The following RIMS1 variants were observed in gnomAD, a reference collection of about 807,000 sequenced individuals.
RIMS1 encodes the protein regulating synaptic membrane exocytosis 1.
A neutral mutation model predicts 214.1 loss-of-function variants in RIMS1; 83 were observed. The ratio of observed to expected loss-of-function variants is 0.39; its 90% CI spans 0.32 to 0.47. The LOEUF (loss-of-function observed/expected upper bound fraction) is 0.47, where lower values mean the gene tolerates loss of function less well. Ranked by LOEUF, RIMS1 falls within the 20% of genes least tolerant of loss-of-function variation. RIMS1 has a pLI of 0.99. For missense variants in RIMS1, 2,050 were observed against 2,161.8 expected, an observed-to-expected ratio of 0.95 and a Z score of 1.03; for synonymous variants, 793 against 786.8, an observed-to-expected ratio of 1.01 and a Z score of -0.13.
chr6:72,326,201 T>G (rs1466694256), intron 28 of RIMS1, among the ~76,000 whole-genome samples: 1 of 151,904 alleles, frequency 6.6e-6, no homozygotes, highest in African/African-American at 2.4e-5. Flanking sequence ...GTAAATTGAT[T>G]GTAATTGTTT....
rs1183198910 is a variant in RIMS1, at chr6:72,161,958, T to A, written c.472-17617T>A. Among the ~76,000 whole-genome samples the A allele has an allele frequency of 1.4e-5, 2 of 140,956 alleles. 1 individual carries two copies. Among genetic ancestry groups the A allele is most frequent in the Non-Finnish European group, 3.2e-5 (2 of 62,056 alleles). The allele number at this position is 140,956 out of a possible 152,430, so 92.5% of individuals were successfully genotyped here. A position where few individuals can be genotyped will look rare whatever the true frequency, so the allele number is the denominator to read the frequency against. On this transcript the variant is annotated intron_variant, in intron 4 of 33. Coordinates refer to ENST00000521978, the MANE Select transcript of RIMS1 (RefSeq NM_014989.7). Reference sequence around the variant, plus strand: ...TGGATATCCTTGTTAACTTTCTGTCTTGTTGACCTGTCAATTGTTGATAGT... The same window carrying A: ...TGGATATCCTTGTTAACTTTCTGTCATGTTGACCTGTCAATTGTTGATAGT...
At chr6:72,125,962 G>A (rs117410445) in intron 4 of RIMS1, among the ~76,000 whole-genome samples, 7,690 of 152,264 alleles carry the variant, frequency 0.051, 285 homozygotes, top group Middle Eastern at 0.092. Context: ...GCGACCCCCT[G>A]CCCTGCTTTG....
rs753014101 is a variant in RIMS1, at chr6:72,402,359, G to A, written c.*1645G>A. On this transcript the variant is annotated 3_prime_UTR_variant, in exon 34 of 34. Coordinates refer to ENST00000521978, the MANE Select transcript of RIMS1 (RefSeq NM_014989.7). ...GCCAGACTCAGTCTCTGGGTCTGTG[G>A]TGAAATGTCTATAGATGGACTTTAT... The A allele has an allele frequency of 6.6e-6, 1 of 152,550 alleles. No individual in the cohort carries two copies. Among genetic ancestry groups the A allele is most frequent in the Non-Finnish European group, 1.5e-5 (1 of 68,008 alleles). The allele number at this position is 152,550 out of a possible 1,614,324, so 9.4% of individuals were successfully genotyped here.
At chr6:71,991,186 A>G (rs1801463364) in intron 2 of RIMS1, among the ~76,000 whole-genome samples, 2 of 152,168 alleles carry the variant, frequency 1.3e-5, no homozygotes, top group South Asian at 4.1e-4. Context: ...CTTTATTTTT[A>G]TAAATGCCTT....
chr6:72,295,452 G>T (rs2093969003), intron 26 of RIMS1, among the ~76,000 whole-genome samples: 1 of 151,508 alleles, frequency 6.6e-6, no homozygotes, highest in Admixed American at 6.6e-5. Flanking sequence ...TTTATTTTTT[G>T]CTTATCAGAT....
chr6:72,388,864 G>C (rs1240868361), intron 29 of RIMS1, among the ~76,000 whole-genome samples: 1 of 152,188 alleles, frequency 6.6e-6, no homozygotes, highest in East Asian at 1.9e-4. Context: ...AGGTGGGGAA[G>C]AGTTCTGTCT....
At chr6:72,020,065 C>T (rs1814129711) in intron 2 of RIMS1, among the ~76,000 whole-genome samples, 1 of 152,206 alleles carries the variant, frequency 6.6e-6, no homozygotes, top group African/African-American at 2.4e-5. Context: ...CAACAAGTCA[C>T]TCAACTTCTC....
At chr6:72,219,874 T>G (rs2057807678) in intron 6 of RIMS1, among the ~76,000 whole-genome samples, 1 of 152,096 alleles carries the variant, frequency 6.6e-6, no homozygotes, top group African/African-American at 2.4e-5. Context: ...ATAAAGTTTG[T>G]TATTATATTT....
At chr6:71,898,174 G>C (rs1772443129) in intron 1 of RIMS1, among the ~76,000 whole-genome samples, 1 of 152,190 alleles carries the variant, frequency 6.6e-6, no homozygotes, top group Non-Finnish European at 1.5e-5. Context: ...ATTTTAAAAA[G>C]TAATCCTCTG....
intron 29 of RIMS1, among the ~76,000 whole-genome samples, chr6:72,370,894 AAGG>A (rs1466688351): frequency 1.3e-5 from 2 of 152,142 alleles, no homozygotes; most frequent in South Asian, 2.1e-4. Flanking sequence ...CAGTACAGAA[AAGG>A]AGGAGAGGTT....
At chr6:72,173,799 GGAT>G (rs2047351669) in intron 4 of RIMS1, among the ~76,000 whole-genome samples, 1 of 152,026 alleles carries the variant, frequency 6.6e-6, no homozygotes, top group South Asian at 2.1e-4. Flanking sequence ...GCATGAGAAT[GGAT>G]GATTGGGGTG....
intron 32 of RIMS1, 120 bp from the exon 33 acceptor site, chr6:72,398,835 T>A: frequency 1.7e-6 from 1 of 605,976 alleles, no homozygotes; most frequent in East Asian, 2.8e-5. Flanking sequence ...TTAAGTAATT[T>A]AAACAGTCAA....
chr6:71,944,839 A>G (rs1787293299), intron 1 of RIMS1, among the ~76,000 whole-genome samples: 1 of 152,206 alleles, frequency 6.6e-6, no homozygotes, highest in Admixed American at 6.5e-5. Flanking sequence ...TAGATTATAG[A>G]AAAAGCTCTT....
intron 6 of RIMS1, among the ~76,000 whole-genome samples, chr6:72,204,040 G>A (rs2052490615): frequency 6.6e-6 from 1 of 152,146 alleles, no homozygotes; most frequent in Admixed American, 6.5e-5. Context: ...ATAAAATACA[G>A]AGTTATATGA....
chr6:72,098,538 G>T lies in RIMS1; in HGVS notation c.459+1376G>T, dbSNP rs894664575. Among the ~76,000 whole-genome samples the T allele has an allele frequency of 2.0e-5, 3 of 151,238 alleles. No individual in the cohort carries two copies. The East Asian group carries it at 5.8e-4, about 29-fold the overall frequency. On this transcript the variant is annotated intron_variant, in intron 3 of 33. Coordinates refer to ENST00000521978, the MANE Select transcript of RIMS1 (RefSeq NM_014989.7). The stretch of plus-strand genomic sequence containing the variant: ...TCGAACTCCTGACCTCAGGTGATCC[G>T]CCCGTCTCGGCTTCCCAAAGGGCTG...
chr6:72,081,947 A>C (rs1833519805), intron 2 of RIMS1, among the ~76,000 whole-genome samples: 3 of 152,184 alleles, frequency 2.0e-5, no homozygotes, highest in African/African-American at 7.2e-5. Context: ...ATGGGAAGAA[A>C]ATTACATCTT....
intron 4 of RIMS1, among the ~76,000 whole-genome samples, chr6:72,137,062 C>CT (rs750305892): frequency 3.7e-4 from 56 of 151,786 alleles, no homozygotes; most frequent in Non-Finnish European, 4.1e-4. Flanking sequence ...AAAGATGTAT[C>CT]TTTTTGTTGA....
intron 1 of RIMS1, among the ~76,000 whole-genome samples, chr6:71,932,893 A>G (rs1783468659): frequency 6.6e-6 from 1 of 152,174 alleles, no homozygotes; most frequent in Non-Finnish European, 1.5e-5. Context: ...AGGAACATAA[A>G]TTTAAAATTC....
intron 29 of RIMS1, among the ~76,000 whole-genome samples, chr6:72,350,550 T>C (rs1434776374): frequency 2.0e-5 from 3 of 152,098 alleles, no homozygotes; most frequent in Admixed American, 1.3e-4. Flanking sequence ...GTAAATGGCT[T>C]AGTGACATTA....
Sources: gnomAD v4.1 joint callset for allele counts (sites outside exome capture counted in the v4.1 genomes callset) on GRCh38, gnomAD v4.1.1 for gene constraint, MANE v1.5 for transcripts, NCBI Gene and HGNC (gene_info 2026-07-23, HGNC 2026-07-21) for gene names.